Variants in COL6A6 observed in about 807,000 individuals in gnomAD.
COL6A6 encodes the protein collagen alpha-6(VI) chain.
Under a neutral mutation model 208.6 loss-of-function variants are expected in COL6A6, and 183 were observed. The observed-to-expected ratio is 0.88, with a 90% CI of 0.78 to 0.99. The LOEUF (loss-of-function observed/expected upper bound fraction) is 0.99. COL6A6 is among the 50% of genes least tolerant of loss of function. The probability of loss-of-function intolerance (pLI) is 0.00; values close to 1 mark genes in which losing one functional copy is unlikely to be tolerated. For synonymous variants in COL6A6, 973 were observed against 1,011.8 expected (o/e 0.96, Z 0.73); for missense variants, 2,816 against 2,815.2 (o/e 1.00, Z -0.01).
intron 21 of COL6A6, among the ~76,000 whole-genome samples, chr3:130,607,692 G>A (rs548765181): frequency 8.2e-4 from 125 of 152,228 alleles, no homozygotes; most frequent in African/African-American, 2.8e-3. Flanking sequence ...GAAAATAACA[G>A]AGTAATAACC....
chr3:130,601,237 A>G (rs745719329), intron 20 of COL6A6, among the ~76,000 whole-genome samples: 55 of 149,288 alleles, frequency 3.7e-4, no homozygotes, highest in Admixed American at 1.2e-3. Context: ...AAAATTAAGC[A>G]CAAGTAGAAA....
intron 27 of COL6A6, among the ~76,000 whole-genome samples, chr3:130,635,475 C>T (rs898840013): frequency 2.6e-5 from 4 of 152,128 alleles, no homozygotes; most frequent in African/African-American, 9.7e-5. Flanking sequence ...CTCCAAAGAG[C>T]CAGTGTTCTC....
chr3:130,667,230 T>G (rs879840780), intron 36 of COL6A6, among the ~76,000 whole-genome samples: 22 of 152,210 alleles, frequency 1.4e-4, no homozygotes, highest in Non-Finnish European at 7.3e-5. Context: ...TTTAGTTAAA[T>G]CTAAACAAAT....
At chr3:130,553,746 G>C (rs1026399134) in intron 1 of COL6A6, among the ~76,000 whole-genome samples, 2 of 152,048 alleles carry the variant, frequency 1.3e-5, no homozygotes, top group African/African-American at 4.8e-5. Context: ...TGAGTTGCCA[G>C]AGTTCTTGCA....
intron 28 of COL6A6, among the ~76,000 whole-genome samples, chr3:130,639,839 T>C (rs1036809776): frequency 6.6e-6 from 1 of 152,182 alleles, no homozygotes; most frequent in African/African-American, 2.4e-5. Context: ...TTCTTCTTTG[T>C]CTAGTGAAGT....
chr3:130,534,895 T>G (rs1044064368), intron 1 of COL6A6, among the ~76,000 whole-genome samples: 1 of 152,184 alleles, frequency 6.6e-6, no homozygotes, highest in African/African-American at 2.4e-5. Context: ...TTTTGAATTA[T>G]AATGAGTATT....
At chr3:130,643,104 A>T in intron 31 of COL6A6, 81 bp downstream of exon 31, 1 of 1,433,554 alleles carries the variant, frequency 7.0e-7, no homozygotes. Context: ...TCAGAATTGA[A>T]TTCACCAGCC....
chr3:130,593,695 A>G (rs1237316530), intron 17 of COL6A6, among the ~76,000 whole-genome samples: 1 of 152,218 alleles, frequency 6.6e-6, no homozygotes, highest in Non-Finnish European at 1.5e-5. Context: ...CTTGCCCACC[A>G]CAGTTGGAAG....
chr3:130,637,655 A>C (rs1171483092), intron 28 of COL6A6, among the ~76,000 whole-genome samples: 1 of 152,226 alleles, frequency 6.6e-6, no homozygotes, highest in African/African-American at 2.4e-5. Context: ...ACTTCAACTT[A>C]AATTCTGAAT....
At chr3:130,556,371 G>A (rs1347433370) in intron 1 of COL6A6, among the ~76,000 whole-genome samples, 1 of 152,096 alleles carries the variant, frequency 6.6e-6, no homozygotes, top group African/African-American at 2.4e-5. Context: ...TAAGATGGCT[G>A]ATATTCCTTT....
At chr3:130,584,958 T>C (rs2063504635) in intron 10 of COL6A6, among the ~76,000 whole-genome samples, 1 of 152,206 alleles carries the variant, frequency 6.6e-6, no homozygotes, top group African/African-American at 2.4e-5. Context: ...TTGCCTCTCT[T>C]GGAACTTGAA....
intron 1 of COL6A6, among the ~76,000 whole-genome samples, chr3:130,554,948 C>T (rs1328589289): frequency 6.6e-6 from 1 of 152,066 alleles, no homozygotes; most frequent in Non-Finnish European, 1.5e-5. Context: ...TTGAGGTACC[C>T]CAGTTGGGCA....
rs555804550 is a variant in COL6A6, at chr3:130,643,322, C to T, written c.5227+299C>T. ...TGAAATCAATCACTTGAGAGTCACA[C>T]GGAACTTTTTAAAAGATGATTATTA... On this transcript the variant is annotated intron_variant, in intron 31 of 36. Coordinates refer to ENST00000358511, the MANE Select transcript of COL6A6 (RefSeq NM_001102608.3). Among the ~76,000 whole-genome samples the T allele has an allele frequency of 3.3e-5, 5 of 152,180 alleles. No individual in the cohort carries two copies. In the South Asian group the frequency reaches 6.2e-4, roughly 19 times the overall value.
At chr3:130,604,412 G>A (rs570487478) in intron 20 of COL6A6, among the ~76,000 whole-genome samples, 8 of 151,670 alleles carry the variant, frequency 5.3e-5, no homozygotes, top group Non-Finnish European at 8.8e-5. Flanking sequence ...GGAGAATGGC[G>A]TGAACCCGGG....
At position 130,636,331 on chromosome 3, in the gene COL6A6, T is replaced by A. The variant is rs541061571; in HGVS notation, c.5091+570T>A. Among the ~76,000 whole-genome samples, 3 of 152,372 alleles carry A rather than the reference T, an allele frequency of 2.0e-5. No individual in the cohort carries two copies. The East Asian group carries it at 5.8e-4, about 29-fold the overall frequency. On this transcript the variant is annotated intron_variant, in intron 28 of 36. Transcript: ENST00000358511. The stretch of plus-strand genomic sequence containing the variant: ...ACTTGGAATAAACACAGGTCTCCAG[T>A]ACAATTCATCCTGTAGGCTTGCCTT...
intron 1 of COL6A6, among the ~76,000 whole-genome samples, chr3:130,544,397 T>C (rs2062444488): frequency 6.6e-6 from 1 of 152,202 alleles, no homozygotes; most frequent in South Asian, 2.1e-4. Context: ...TCCCTTTCTG[T>C]GTGTGTATCT....
At chr3:130,647,443 TCTA>T (rs891907642) in intron 32 of COL6A6, among the ~76,000 whole-genome samples, 6 of 152,244 alleles carry the variant, frequency 3.9e-5, no homozygotes, top group African/African-American at 1.4e-4. Context: ...CATGTTTAGT[TCTA>T]CTGACTTTTT....
rs1399102492 is a variant in COL6A6 at position 130,610,578 on chromosome 3, T to G, written c.4753-71T>G. On this transcript the variant is annotated intron_variant, in intron 22 of 36. Transcript: ENST00000358511. ...CATGTTACTGACTTAGTATTTCTACTTGTAATATTCAATTTAATATTCAAT... is the reference window on the plus strand; with the variant it reads ...CATGTTACTGACTTAGTATTTCTACGTGTAATATTCAATTTAATATTCAAT... 7.2e-6 allele frequency: 8 copies of G among 1,112,188 alleles called. No individual in the cohort carries two copies. The African/African-American group carries it at 1.3e-4, about 17-fold the overall frequency. The allele number at this position is 1,112,188 out of a possible 1,614,324, so 68.9% of individuals were successfully genotyped here. A position where few individuals can be genotyped will look rare whatever the true frequency, so the allele number is the denominator to read the frequency against.
At chr3:130,539,632 C>A (rs1414300959) in intron 1 of COL6A6, among the ~76,000 whole-genome samples, 219 of 137,354 alleles carry the variant, frequency 1.6e-3, no homozygotes, top group Non-Finnish European at 2.2e-3. Context: ...GACTCCGTCT[C>A]AAAAAAAAAA....
Sources: gnomAD v4.1 joint callset for allele counts (sites outside exome capture counted in the v4.1 genomes callset) on GRCh38, gnomAD v4.1.1 for gene constraint, MANE v1.5 for transcripts, NCBI Gene and HGNC (gene_info 2026-07-23, HGNC 2026-07-21) for gene names.